Variants in SIK3 observed in about 807,000 individuals in gnomAD.
SIK3 encodes serine/threonine-protein kinase SIK3.
SIK3 carries 28 observed loss-of-function variants against 144.2 expected under a neutral mutation model. The observed-to-expected ratio is 0.19, with a 90% CI of 0.14 to 0.27. The LOEUF (loss-of-function observed/expected upper bound fraction) is 0.27. Ranked by LOEUF, SIK3 falls within the 10% of genes least tolerant of loss-of-function variation. SIK3 has a pLI of 1.00. For synonymous variants in SIK3, 686 were observed against 676.3 expected, an observed-to-expected ratio of 1.01 and a Z score of -0.22; for missense variants, 1,319 against 1,776.0, an observed-to-expected ratio of 0.74 and a Z score of 4.62.
intron 1 of SIK3, among the ~76,000 whole-genome samples, chr11:116,980,282 A>G (rs1036950282): frequency 1.3e-5 from 2 of 152,152 alleles, no homozygotes; most frequent in African/African-American, 4.8e-5. Context: ...CAAGGGAGGG[A>G]ACACAGGCTT....
At chr11:116,916,812 T>TG (rs1227861147) in intron 4 of SIK3, among the ~76,000 whole-genome samples, 1 of 146,022 alleles carries the variant, frequency 6.8e-6, no homozygotes, top group Non-Finnish European at 1.5e-5. Context: ...AAAAAAAAAA[T>TG]TTTTTTTTTA....
chr11:117,071,222 T>C (rs1591650004), intron 1 of SIK3, among the ~76,000 whole-genome samples: 1 of 151,708 alleles, frequency 6.6e-6, no homozygotes, highest in East Asian at 1.9e-4. Flanking sequence ...GTCTCTGTCC[T>C]TAAGGAACTA....
chr11:116,931,012 AAAAGTAAAAAGTAAAAC>A (rs1246225266), intron 3 of SIK3, among the ~76,000 whole-genome samples: 1 of 152,224 alleles, frequency 6.6e-6, no homozygotes, highest in Non-Finnish European at 1.5e-5. Flanking sequence ...AGTGCTTTTC[AAAAGTAAAAAGTAAAAC>A]AAAGTAAAAA....
At chr11:116,847,312 C>G (rs540612341) in intron 23 of SIK3, among the ~76,000 whole-genome samples, 164 bp downstream of exon 23, 1 of 152,222 alleles carries the variant, frequency 6.6e-6, no homozygotes, top group Admixed American at 6.5e-5. Context: ...CACACCCACA[C>G]TCAGGGAAGA....
rs55767986 is a variant in SIK3, at chr11:116,873,932, A to G, written c.1552T>C (p.Leu518=). The part of the protein sequence containing the change: ...FMHNLLPMQN[L]QPTGQLEYKE... ...TACTCAAGTTGCCCGGTTGGTTGCA[A>G]GTTTTGCATAGGCAACAGGTTGTGC... The change falls in exon 12 of 25, where the codon TTG becomes CTG. Residue 518 remains leucine, a synonymous_variant. Coordinates refer to ENST00000445177, the MANE Select transcript of SIK3 (RefSeq NM_001366686.3). The G allele has an allele frequency of 3.2e-3, 5,092 of 1,613,240 alleles. 23 individuals are homozygous for G. The highest frequency in any genetic ancestry group is 3.4e-3 in the Non-Finnish European group (3,982 of 1,179,674).
Position 116,863,775 on chromosome 11 carries a change from G to A in SIK3, c.1996C>T (p.Arg666Cys), listed in dbSNP as rs1430574837. 4 of 1,614,072 alleles carry A rather than the reference G, an allele frequency of 2.5e-6. No individual in the cohort carries two copies. The highest frequency in any genetic ancestry group is 8.5e-7 in the Non-Finnish European group (1 of 1,179,964). Reference protein sequence around the residue: ...DSNTLHLPTERFSPVRRFSDG... With the variant: ...DSNTLHLPTECFSPVRRFSDG... ...GAGAACCGGCGCACAGGGGAGAAAC[G>A]CTCCGTAGGGAGGTGCAGAGTGTTG... Residue 666 changes from arginine (R) to cysteine (C), a missense_variant, in exon 16 of 25, where the codon CGT becomes TGT. Arg to Cys is a radical substitution (Grantham distance 180, BLOSUM62 -3). Around this residue, in one of 8 missense-constraint regions of SIK3, gnomAD observed 77 missense variants for 141.9 expected, o/e 0.54. Transcript: ENST00000445177.
In SIK3 at chr11:116,941,519, T is replaced by C. The variant is rs535858043; in HGVS notation, c.454+12525A>G. 8.1e-4 allele frequency among the ~76,000 whole-genome samples: 124 copies of C among 152,282 alleles called. 1 individual carries two copies. Among genetic ancestry groups the C allele is most frequent in the African/African-American group, 2.9e-3 (122 of 41,566 alleles). On this transcript the variant is annotated intron_variant, in intron 3 of 24. Coordinates refer to ENST00000445177, the MANE Select transcript of SIK3 (RefSeq NM_001366686.3). ...AGATAAAATAACCTATGTGAAACAC[T>C]TAACACAGTATCTTGTACACAATGG...
intron 21 of SIK3, among the ~76,000 whole-genome samples, chr11:116,853,337 T>C (rs1465832593): frequency 6.6e-6 from 1 of 152,194 alleles, no homozygotes; most frequent in Non-Finnish European, 1.5e-5. Context: ...ATCAAATCTT[T>C]GGCAACCCTT....
chr11:117,057,397 C>G (rs1953585620), intron 1 of SIK3, among the ~76,000 whole-genome samples: 1 of 152,058 alleles, frequency 6.6e-6, no homozygotes, highest in Non-Finnish European at 1.5e-5. Context: ...TTCTTTTAAC[C>G]AAGGGAGTTT....
At position 116,884,259 on chromosome 11, in the gene SIK3, T is replaced by G. The variant is rs184086746; in HGVS notation, c.866-7217A>C. On this transcript the variant is annotated intron_variant, in intron 6 of 24. Coordinates refer to ENST00000445177, the MANE Select transcript of SIK3 (RefSeq NM_001366686.3). ...TGGCCAGGCTGGGTGCAATCATAGCTCACTGTAGCCTCGAACCCCTGGGCT... is the reference window on the plus strand; with the variant it reads ...TGGCCAGGCTGGGTGCAATCATAGCGCACTGTAGCCTCGAACCCCTGGGCT... 1.6e-4 allele frequency among the ~76,000 whole-genome samples: 25 copies of G among 151,892 alleles called. No homozygotes were observed. In the East Asian group the frequency reaches 4.5e-3, roughly 27 times the overall value.
At chr11:116,973,076 T>C (rs1336745729) in intron 1 of SIK3, among the ~76,000 whole-genome samples, 1 of 152,138 alleles carries the variant, frequency 6.6e-6, no homozygotes, top group Non-Finnish European at 1.5e-5. Flanking sequence ...AAGTAACTAC[T>C]TTCCCAGTTA....
chr11:117,053,400 G>A (rs553625496), intron 1 of SIK3, among the ~76,000 whole-genome samples: 31 of 151,384 alleles, frequency 2.0e-4, no homozygotes, highest in African/African-American at 5.1e-4. Context: ...GAAATGCTTT[G>A]AGAATAATAA....
At chr11:116,886,761 A>G (rs1162094028) in intron 6 of SIK3, among the ~76,000 whole-genome samples, 1 of 149,278 alleles carries the variant, frequency 6.7e-6, no homozygotes, top group Non-Finnish European at 1.5e-5. Flanking sequence ...TTAAAAAAAT[A>G]TATTGAATGA....
intron 1 of SIK3, among the ~76,000 whole-genome samples, chr11:116,978,196 T>C (rs868550840): frequency 1.3e-5 from 2 of 150,972 alleles, no homozygotes; most frequent in African/African-American, 2.5e-5. Flanking sequence ...CCAGCCTTGG[T>C]GACAGAGACT....
intron 1 of SIK3, among the ~76,000 whole-genome samples, chr11:117,090,261 A>G (rs1178155485): frequency 1.3e-5 from 2 of 152,202 alleles, no homozygotes; most frequent in East Asian, 3.8e-4. Flanking sequence ...ACTCGCTATT[A>G]GGAGGAACCA....
intron 1 of SIK3, among the ~76,000 whole-genome samples, chr11:116,998,259 C>G (rs1950736223): frequency 6.6e-6 from 1 of 151,574 alleles, no homozygotes; most frequent in Non-Finnish European, 1.5e-5. Context: ...ATCACAAGGT[C>G]AGGAGTTTGA....
At chr11:117,007,684 T>A (rs1951101100) in intron 1 of SIK3, among the ~76,000 whole-genome samples, 1 of 152,144 alleles carries the variant, frequency 6.6e-6, no homozygotes, top group Non-Finnish European at 1.5e-5. Flanking sequence ...CATACTAACT[T>A]TTAGATTTAG....
At chr11:116,960,216 C>G (rs1949290893) in intron 1 of SIK3, among the ~76,000 whole-genome samples, 2 of 152,182 alleles carry the variant, frequency 1.3e-5, no homozygotes, top group Non-Finnish European at 2.9e-5. Context: ...AGTTCAGATT[C>G]CAGAAGACAT....
intron 1 of SIK3, among the ~76,000 whole-genome samples, chr11:116,967,001 T>C (rs148406912): frequency 0.18 from 18,421 of 101,750 alleles, 1,990 homozygotes; most frequent in African/African-American, 0.38. Flanking sequence ...AAGACTCTGT[T>C]TCAAAAAAAA....
Sources: allele counts gnomAD v4.1 joint callset (sites outside exome capture counted in the v4.1 genomes callset), GRCh38; gene constraint gnomAD v4.1.1; regional missense constraint gnomAD v4.1.1; transcripts MANE v1.5; gene names NCBI Gene and HGNC (gene_info 2026-07-23, HGNC 2026-07-21).